Variants in PNPLA5 observed in about 807,000 individuals in gnomAD.
PNPLA5 encodes patatin like domain 5, triacylglycerol lipase.
In PNPLA5, 44 loss-of-function variants were observed where a neutral mutation model predicts 49.1. The ratio of observed to expected loss-of-function variants is 0.90; its 90% CI spans 0.70 to 1.15. The LOEUF is 1.15. Ranked by LOEUF, PNPLA5 falls within the 50% of genes most tolerant of loss-of-function variation. The pLI is 0.00. For missense variants in PNPLA5, 603 were observed against 564.0 expected (o/e 1.07, Z -0.70); for synonymous variants, 243 against 244.4 (o/e 0.99, Z 0.06).
intron 7 of PNPLA5, among the ~76,000 whole-genome samples, chr22:43,883,939 G>A (rs1044573693): frequency 3.9e-5 from 6 of 152,158 alleles, no homozygotes; most frequent in African/African-American, 1.4e-4. Context: ...ATGGTCAAAG[G>A]TCACGGAGAC....
At chr22:43,887,413 G>A (rs1487221279) in intron 5 of PNPLA5, among the ~76,000 whole-genome samples, 178 bp downstream of exon 5, 3 of 152,170 alleles carry the variant, frequency 2.0e-5, no homozygotes, top group African/African-American at 7.2e-5. Flanking sequence ...CTCAACAGTG[G>A]AACTTGTATG....
Position 43,880,844 on chromosome 22 carries a change from G to T in PNPLA5, c.1241C>A (p.Pro414His). The T allele has an allele frequency of 7.5e-7, 1 of 1,340,218 alleles. No individual in the cohort carries two copies. Among genetic ancestry groups the T allele is most frequent in the Non-Finnish European group, 9.6e-7 (1 of 1,037,804 alleles). 83.0% of individuals were successfully genotyped at this position (1,340,218 alleles called of 1,614,324 possible). Residue 414 changes from proline to histidine, a missense_variant, in exon 9 of 9, where the codon CCC becomes CAC. Physicochemically the swap from Pro to His is moderately conservative, Grantham distance 77 (BLOSUM62 -2). Transcript: ENST00000216177. ...CTCCTCTCTATGAGGAGCTATCTGG[G>T]GTTGGAGGGGGCTTGTTTCCAGGAC... is the stretch of plus-strand genomic sequence containing the variant. ...TRVLETSPLQPQIAPHREELG... is the reference protein window; with the variant it reads ...TRVLETSPLQHQIAPHREELG...
At chr22:43,885,234 G>A (rs373272185) in intron 6 of PNPLA5, among the ~76,000 whole-genome samples, 1 of 152,338 alleles carries the variant, frequency 6.6e-6, no homozygotes, top group East Asian at 1.9e-4. Context: ...GACCTCAGGG[G>A]TTCCGCACAG....
At chr22:43,889,773 A>T in intron 3 of PNPLA5, 26 bp downstream of exon 3, 2 of 1,608,090 alleles carry the variant, frequency 1.2e-6, no homozygotes, top group Non-Finnish European at 1.7e-6. Flanking sequence ...CCCAGAGCAC[A>T]GAACGGGGTT....
Position 43,887,629 on chromosome 22 carries a change from T to A in PNPLA5, c.725A>T (p.Gln242Leu), listed in dbSNP as rs1388197580. 3 of 1,606,938 alleles carry A rather than the reference T, an allele frequency of 1.9e-6. No individual in the cohort carries two copies. Among genetic ancestry groups the A allele is most frequent in the Non-Finnish European group, 2.5e-6 (3 of 1,176,480 alleles). Residue 242 changes from glutamine (Q) to leucine (L), a missense_variant, in exon 5 of 9, where the codon CAA becomes CTA. Transcript: ENST00000216177. ...SLEVVADNCR[Q>L]GYLDALRFLE... ...GAACCTCAGGGCATCCAGGTAGCCT[T>A]GTCTGCAGTTGTCGGCCACTACCTG...
At chr22:43,891,596 A>G in intron 1 of PNPLA5, 92 bp downstream of exon 1, 1 of 1,406,658 alleles carries the variant, frequency 7.1e-7, no homozygotes, top group Non-Finnish European at 9.4e-7. Flanking sequence ...TAGAGGGCGC[A>G]GAGCACAGCG....
At chr22:43,881,722 GC>G in intron 7 of PNPLA5, 48 bp from the exon 8 acceptor site, 1 of 1,588,356 alleles carries the variant, frequency 6.3e-7, no homozygotes, top group Non-Finnish European at 8.6e-7. Context: ...CTGGGGTGTG[GC>G]CCCACCAAGC....
Position 43,880,638 on chromosome 22 carries a change from C to T in PNPLA5, c.*157G>A. 1.5e-6 allele frequency: 1 copy of T among 663,226 alleles called. No individual in the cohort carries two copies. Among genetic ancestry groups the T allele is most frequent in the Non-Finnish European group, 2.1e-6 (1 of 467,220 alleles). The allele number at this position is 663,226 out of a possible 1,614,324, so 41.1% of individuals were successfully genotyped here. ...TGGGTACACAGTGACCGGGGACATG[C>T]TGACAGGCTGCGCCCCAAGGAACGG... On this transcript the variant is annotated 3_prime_UTR_variant, in exon 9 of 9. Coordinates refer to ENST00000216177, the MANE Select transcript of PNPLA5 (RefSeq NM_138814.4).
intron 7 of PNPLA5, among the ~76,000 whole-genome samples, chr22:43,883,718 G>A (rs1275563058): frequency 6.6e-6 from 1 of 152,030 alleles, no homozygotes; most frequent in East Asian, 1.9e-4. Flanking sequence ...GGCTGAGGCA[G>A]GAGAATCGCT....
At chr22:43,884,505 T>A in intron 6 of PNPLA5, 160 bp from the exon 7 acceptor site, 1 of 722,814 alleles carries the variant, frequency 1.4e-6, no homozygotes, top group Non-Finnish European at 1.7e-6. Flanking sequence ...CAGGTAGCTC[T>A]GCGCTCATCG....
intron 3 of PNPLA5, 24 bp from the exon 4 acceptor site, chr22:43,889,562 G>T: frequency 6.3e-7 from 1 of 1,581,572 alleles, no homozygotes; most frequent in South Asian, 1.2e-5. Flanking sequence ...GGAGCAGGTG[G>T]GTGGTGCTGC....
chr22:43,890,242 C>A (rs767540566), intron 2 of PNPLA5, among the ~76,000 whole-genome samples: 61 of 152,314 alleles, frequency 4.0e-4, no homozygotes, highest in Admixed American at 6.5e-4. Flanking sequence ...TCTGTGGGAA[C>A]AAAACTGTCA....
chr22:43,883,458 A>G (rs2148325812), intron 7 of PNPLA5, among the ~76,000 whole-genome samples: 1 of 152,358 alleles, frequency 6.6e-6, no homozygotes, highest in South Asian at 2.1e-4. Flanking sequence ...ATTAACCAGC[A>G]AGTCAGAATG....
chr22:43,886,339 G>C lies in PNPLA5; in HGVS notation c.913C>G (p.Pro305Ala). 6.2e-7 allele frequency: 1 copy of C among 1,614,046 alleles called. No homozygotes were observed. Among genetic ancestry groups the C allele is most frequent in the Non-Finnish European group, 8.5e-7 (1 of 1,179,980 alleles). Residue 305 changes from proline to alanine, a missense_variant, in exon 6 of 9, where the codon CCC becomes GCC. Pro to Ala is a conservative substitution (Grantham distance 27). Coordinates refer to ENST00000216177, the MANE Select transcript of PNPLA5 (RefSeq NM_138814.4). Reference sequence around the variant, plus strand: ...TCTGGTGAGAGCTGCTCAAAGTTGGGTACATCCTTGACTTGCACATGGGGC... The same window carrying C: ...TCTGGTGAGAGCTGCTCAAAGTTGGCTACATCCTTGACTTGCACATGGGGC... The part of the protein sequence containing the change: ...KVPHVQVKDV[P>A]NFEQLSPELE...
intron 4 of PNPLA5, chr22:43,887,867 G>T: frequency 1.4e-6 from 1 of 694,218 alleles, no homozygotes; most frequent in Non-Finnish European, 1.8e-6. Flanking sequence ...AGATCTGCTT[G>T]GCTAGTTCTG....
intron 6 of PNPLA5, among the ~76,000 whole-genome samples, chr22:43,885,016 C>T (rs1331152289): frequency 6.6e-6 from 1 of 152,222 alleles, no homozygotes; most frequent in African/African-American, 2.4e-5. Flanking sequence ...TGTCCTAGGA[C>T]GAGTCCTAGC....
chr22:43,881,746 T>C, intron 7 of PNPLA5, 72 bp from the exon 8 acceptor site: 5 of 1,566,468 alleles, frequency 3.2e-6, no homozygotes, highest in Non-Finnish European at 4.3e-6. Flanking sequence ...ACCCTCCCCA[T>C]AGGCCCAGAG....
chr22:43,888,577 G>C (rs1333525467), intron 4 of PNPLA5, among the ~76,000 whole-genome samples: 1 of 151,840 alleles, frequency 6.6e-6, no homozygotes, highest in Non-Finnish European at 1.5e-5. Context: ...TGGAATTACA[G>C]GCATGCGCCA....
rs1248254687 is a variant in PNPLA5, at chr22:43,891,195, T to C, written c.293A>G (p.Gln98Arg). The change falls in exon 2 of 9, where the codon CAG becomes CGG. Residue 98 changes from glutamine to arginine, a missense_variant. By Grantham distance (43) the Gln-to-Arg change is conservative. Coordinates refer to ENST00000216177, the MANE Select transcript of PNPLA5 (RefSeq NM_138814.4). ...GGGGGGCAGAGCATCCTGCAGCTGC[T>C]GCTTGACGTGCTCGATGGGCGCGTA... is the stretch of plus-strand genomic sequence containing the variant. ...PAYAPIEHVK[Q>R]QLQDALPPDA... is the part of the protein sequence containing the mutation. 6.3e-7 allele frequency: 1 copy of C among 1,587,108 alleles called. No individual in the cohort carries two copies. The highest frequency in any genetic ancestry group is 1.7e-5 in the Admixed American group (1 of 58,400).
Sources: allele counts gnomAD v4.1 joint callset (sites outside exome capture counted in the v4.1 genomes callset), GRCh38; gene constraint gnomAD v4.1.1; transcripts MANE v1.5; gene names NCBI Gene and HGNC (gene_info 2026-07-23, HGNC 2026-07-21).